The following ZNF83 variants were observed in gnomAD, a reference collection of about 807,000 sequenced individuals.
ZNF83 encodes the protein zinc finger protein 816B.
For missense variants in ZNF83, 552 were observed against 629.9 expected (o/e 0.88, Z 1.32); for synonymous variants, 209 against 213.0 (o/e 0.98, Z 0.17).
At chr19:52,669,062 A>C (rs893958004) in intron 1 of ZNF83, among the ~76,000 whole-genome samples, 6 of 152,212 alleles carry the variant, frequency 3.9e-5, no homozygotes, top group African/African-American at 1.4e-4. Flanking sequence ...AAAGTTTACC[A>C]ATCAGCCACT....
intron 1 of ZNF83, among the ~76,000 whole-genome samples, chr19:52,684,823 G>A (rs1349767294): frequency 1.3e-5 from 2 of 152,172 alleles, no homozygotes; most frequent in East Asian, 1.9e-4. Flanking sequence ...GGGGCAGAGG[G>A]AGTCATGAGA....
chr19:52,638,119 C>T (rs372661360), intron 1 of ZNF83, among the ~76,000 whole-genome samples, 193 bp downstream of exon 1: 1 of 152,296 alleles, frequency 6.6e-6, no homozygotes, highest in East Asian at 1.9e-4. Context: ...GCAGAAAGAC[C>T]GGGGACAGCC....
chr19:52,680,785 T>G (rs2061901991), intron 1 of ZNF83, among the ~76,000 whole-genome samples: 1 of 147,366 alleles, frequency 6.8e-6, no homozygotes, highest in African/African-American at 2.6e-5. Flanking sequence ...GCTAATTTTT[T>G]GTATTTTTAG....
exon 3 of ZNF83, chr19:52,614,745 A>G: frequency 2.3e-6 from 3 of 1,302,988 alleles, no homozygotes; most frequent in Non-Finnish European, 2.9e-6. Flanking sequence ...TTTCTCCTGT[A>G]TTACTCTCCT....
intron 1 of ZNF83, among the ~76,000 whole-genome samples, chr19:52,688,029 TAGAC>T (rs1372435146): frequency 1.3e-5 from 2 of 152,080 alleles, no homozygotes; most frequent in Admixed American, 1.3e-4. Context: ...ACATGTCTCA[TAGAC>T]AGGAATTTTA....
chr19:52,627,863 G>C (rs1568542963), intron 2 of ZNF83, among the ~76,000 whole-genome samples: 1 of 152,234 alleles, frequency 6.6e-6, no homozygotes, highest in East Asian at 1.9e-4. Flanking sequence ...CAGATGGCCA[G>C]TTCCTTCCTT....
chr19:52,659,772 G>C (rs1273762948), intron 2 of ZNF83, among the ~76,000 whole-genome samples: 1 of 152,186 alleles, frequency 6.6e-6, no homozygotes, highest in Non-Finnish European at 1.5e-5. Flanking sequence ...ATAAATCTAA[G>C]TAAGAGACCT....
chr19:52,653,152 T>A, intron 3 of ZNF83: 1 of 1,483,738 alleles, frequency 6.7e-7, no homozygotes, highest in Admixed American at 1.7e-5. Context: ...GTTGTAAGGT[T>A]TTTCTCCGGT....
intron 3 of ZNF83, among the ~76,000 whole-genome samples, chr19:52,644,737 G>A (rs74256679): frequency 0.11 from 17,347 of 152,102 alleles, 1,151 homozygotes; most frequent in Admixed American, 0.13. Context: ...ATGGGTGGCC[G>A]GGTGCGATGG....
At chr19:52,624,066 C>T (rs537986842) in intron 2 of ZNF83, among the ~76,000 whole-genome samples, 26 of 119,822 alleles carry the variant, frequency 2.2e-4, no homozygotes, top group East Asian at 4.1e-4. Context: ...CTCATCAGTC[C>T]CAGCAGCTTA....
chr19:52,677,480 T>C (rs1279692184), intron 1 of ZNF83, among the ~76,000 whole-genome samples: 133 of 151,550 alleles, frequency 8.8e-4, no homozygotes, highest in African/African-American at 3.1e-3. Flanking sequence ...AGTGAGACTC[T>C]GTCTCAAAAA....
At chr19:52,647,993 C>A (rs1261151053) in intron 3 of ZNF83, among the ~76,000 whole-genome samples, 1 of 151,816 alleles carries the variant, frequency 6.6e-6, no homozygotes, top group Non-Finnish European at 1.5e-5. Context: ...CAGCACCACT[C>A]TGCTCTGTCT....
chr19:52,652,847 C>T, intron 3 of ZNF83: 1 of 971,140 alleles, frequency 1.0e-6, no homozygotes, highest in Non-Finnish European at 1.6e-6. Context: ...TGATGGCATA[C>T]AAAGGATGAC....
intron 2 of ZNF83, among the ~76,000 whole-genome samples, chr19:52,659,526 T>C (rs8101279): frequency 0.59 from 89,853 of 151,226 alleles, 27,624 homozygotes; most frequent in Non-Finnish European, 0.66. Flanking sequence ...TTTATTCATA[T>C]GTGGTTTAGG....
intron 1 of ZNF83, among the ~76,000 whole-genome samples, chr19:52,685,414 T>G (rs185233377): frequency 6.6e-6 from 1 of 152,138 alleles, no homozygotes; most frequent in Non-Finnish European, 1.5e-5. Context: ...ATCTTTCAAA[T>G]ACCTGGGCTA....
chr19:52,665,105 C>G (rs2061631910), intron 1 of ZNF83, among the ~76,000 whole-genome samples: 2 of 152,174 alleles, frequency 1.3e-5, no homozygotes, highest in Admixed American at 1.3e-4. Context: ...CCCACAGAAC[C>G]AATTAGAAAT....
chr19:52,630,748 A>G (rs658890), intron 2 of ZNF83, among the ~76,000 whole-genome samples: 91,814 of 151,490 alleles, frequency 0.61, 28,754 homozygotes, highest in African/African-American at 0.75. Context: ...CCCTTACCCC[A>G]CTCAACGCCA....
intron 1 of ZNF83, chr19:52,636,523 G>A (rs1242925337): frequency 1.3e-5 from 2 of 152,060 alleles, no homozygotes; most frequent in African/African-American, 2.4e-5. Context: ...CTTATAGATA[G>A]GATTCTTAAA....
At chr19:52,662,201 G>A (rs1301740885) in intron 1 of ZNF83, among the ~76,000 whole-genome samples, 2 of 152,134 alleles carry the variant, frequency 1.3e-5, no homozygotes, top group African/African-American at 4.8e-5. Flanking sequence ...ACAAATAATG[G>A]AATTCATTTC....
Sources: allele counts gnomAD v4.1 joint callset (sites outside exome capture counted in the v4.1 genomes callset), GRCh38; gene constraint gnomAD v4.1.1; transcripts MANE v1.5; gene names NCBI Gene and HGNC (gene_info 2026-07-23, HGNC 2026-07-21).